Variants in FRMD4A observed in about 807,000 individuals in gnomAD.
FRMD4A encodes FERM domain containing 4A.
A neutral mutation model predicts 129.1 loss-of-function variants in FRMD4A; 29 were observed. The ratio of observed to expected loss-of-function variants is 0.22; its 90% CI spans 0.17 to 0.31. The LOEUF (loss-of-function observed/expected upper bound fraction) is 0.31. Ranked by LOEUF, FRMD4A falls within the 10% of genes least tolerant of loss-of-function variation. FRMD4A has a pLI of 1.00. For missense variants in FRMD4A, 1,272 were observed against 1,375.8 expected (o/e 0.92, Z 1.19); for synonymous variants, 634 against 571.6 (o/e 1.11, Z -1.56).
At chr10:13,838,922 C>T (rs10906509) in intron 3 of FRMD4A, among the ~76,000 whole-genome samples, 7 of 151,078 alleles carry the variant, frequency 4.6e-5, no homozygotes, top group African/African-American at 1.7e-4. Context: ...GAATAAAAAC[C>T]ATCCAATGAT....
At chr10:13,789,148 A>G (rs1191121136) in intron 5 of FRMD4A, among the ~76,000 whole-genome samples, 1 of 152,232 alleles carries the variant, frequency 6.6e-6, no homozygotes, top group Non-Finnish European at 1.5e-5. Flanking sequence ...TGATGCTTAG[A>G]ATCTCAATGC....
intron 2 of FRMD4A, among the ~76,000 whole-genome samples, chr10:14,143,787 G>A (rs960287037): frequency 6.6e-6 from 1 of 151,912 alleles, no homozygotes; most frequent in African/African-American, 2.4e-5. Context: ...GCTAACTTTT[G>A]TATGTTTGTA....
chr10:14,169,120 A>AT (rs60151648), intron 2 of FRMD4A, among the ~76,000 whole-genome samples: 1 of 11,392 alleles, frequency 8.8e-5, no homozygotes, highest in Non-Finnish European at 1.6e-4. Flanking sequence ...GGAAAAATTA[A>AT]ACATAAAAAT....
intron 2 of FRMD4A, among the ~76,000 whole-genome samples, chr10:13,967,934 T>C (rs957362978): frequency 6.6e-6 from 1 of 152,302 alleles, no homozygotes; most frequent in East Asian, 1.9e-4. Flanking sequence ...TGGTCCCAAC[T>C]ACTTGGGAGG....
chr10:13,778,701 G>A (rs988920332), intron 6 of FRMD4A, among the ~76,000 whole-genome samples: 3 of 151,908 alleles, frequency 2.0e-5, no homozygotes, highest in South Asian at 2.1e-4. Context: ...TCCAGGCAGC[G>A]GTATCTCCCT....
chr10:13,782,990 T>C lies in FRMD4A; in HGVS notation c.316A>G (p.Ile106Val), dbSNP rs2092773187. 7 of 1,426,518 alleles carry C rather than the reference T, an allele frequency of 4.9e-6. No homozygotes were observed. The highest frequency in any genetic ancestry group is 6.9e-6 in the Non-Finnish European group (7 of 1,008,428). 88.4% of individuals were successfully genotyped at this position (1,426,518 alleles called of 1,614,324 possible). A position where few individuals can be genotyped will look rare whatever the true frequency, so the allele number is the denominator to read the frequency against. ...GTAGCATTATCCTTCAGGTATGAAA[T>C]GCTTTCTATATAGAACCTGAAAGAG... Reference protein sequence around the residue: ...YFCVRFYIESISYLKDNATIE... With the variant: ...YFCVRFYIESVSYLKDNATIE... The change falls in exon 6 of 25, where the codon ATT becomes GTT. Residue 106 changes from isoleucine (I) to valine (V), a missense_variant. By Grantham distance (29) the Ile-to-Val change is conservative. Transcript: ENST00000357447.
intron 2 of FRMD4A, among the ~76,000 whole-genome samples, chr10:14,069,865 C>A (rs975660463): frequency 6.6e-6 from 1 of 152,160 alleles, no homozygotes; most frequent in Non-Finnish European, 1.5e-5. Flanking sequence ...AGAGAATTCT[C>A]CTGGCCCTTT....
intron 2 of FRMD4A, among the ~76,000 whole-genome samples, chr10:14,179,224 G>A (rs1841831031): frequency 6.6e-6 from 1 of 152,046 alleles, no homozygotes; most frequent in Non-Finnish European, 1.5e-5. Context: ...CAAACAATTA[G>A]GTTTTATTAT....
chr10:13,799,598 A>G (rs777532158), intron 4 of FRMD4A, among the ~76,000 whole-genome samples: 34 of 151,806 alleles, frequency 2.2e-4, no homozygotes, highest in Middle Eastern at 3.4e-3. Flanking sequence ...AATGCCCCCA[A>G]CTCTGTGGGT....
At chr10:14,059,742 G>A (rs138470454) in intron 2 of FRMD4A, among the ~76,000 whole-genome samples, 3 of 152,132 alleles carry the variant, frequency 2.0e-5, no homozygotes, top group East Asian at 1.9e-4. Context: ...AGCTTCTCAC[G>A]AGCATCTCAA....
intron 2 of FRMD4A, among the ~76,000 whole-genome samples, chr10:14,272,353 G>A (rs1336717941): frequency 1.3e-5 from 2 of 152,176 alleles, no homozygotes; most frequent in East Asian, 3.8e-4. Flanking sequence ...AGGAGACCAG[G>A]TAGTCCAGGG....
intron 2 of FRMD4A, among the ~76,000 whole-genome samples, chr10:13,954,210 G>A (rs748307930): frequency 3.3e-5 from 5 of 152,082 alleles, no homozygotes; most frequent in South Asian, 2.1e-4. Context: ...TATTGCACTC[G>A]GTGGCTATAT....
chr10:14,300,775 G>C (rs1308881192), intron 2 of FRMD4A, among the ~76,000 whole-genome samples: 1 of 152,202 alleles, frequency 6.6e-6, no homozygotes, highest in Non-Finnish European at 1.5e-5. Context: ...AGAAACTAAG[G>C]CCAGAATGTT....
chr10:13,957,607 G>A (rs2095417575), intron 2 of FRMD4A, among the ~76,000 whole-genome samples: 1 of 152,112 alleles, frequency 6.6e-6, no homozygotes, highest in Admixed American at 6.5e-5. Context: ...CAGAGAAAAA[G>A]GAGGAAGAGT....
chr10:14,278,410 G>C (rs149724721), intron 2 of FRMD4A, among the ~76,000 whole-genome samples: 175 of 152,286 alleles, frequency 1.1e-3, no homozygotes, highest in African/African-American at 4.0e-3. Flanking sequence ...AATGCCATCA[G>C]TGATTTATTT....
chr10:13,679,839 A>G (rs2084378214), intron 15 of FRMD4A, among the ~76,000 whole-genome samples: 1 of 152,048 alleles, frequency 6.6e-6, no homozygotes, highest in Non-Finnish European at 1.5e-5. Flanking sequence ...CGTGGCCACC[A>G]AGGCAAGAGG....
At chr10:13,963,650 A>G (rs2095462440) in intron 2 of FRMD4A, among the ~76,000 whole-genome samples, 1 of 152,254 alleles carries the variant, frequency 6.6e-6, no homozygotes, top group African/African-American at 2.4e-5. Context: ...CATTTTCAAA[A>G]TGATTATTCT....
chr10:13,742,364 G>A (rs1196424824), intron 9 of FRMD4A, among the ~76,000 whole-genome samples: 2 of 152,136 alleles, frequency 1.3e-5, no homozygotes, highest in Admixed American at 6.5e-5. Context: ...GTGTGGAGTC[G>A]ACACCTCGGT....
chr10:14,330,271 G>T, intron 1 of FRMD4A, 88 bp from the exon 2 acceptor site: 1 of 647,826 alleles, frequency 1.5e-6, no homozygotes. Flanking sequence ...TGGGGAGGAG[G>T]TCAGGGAAGA....
Sources: gnomAD v4.1 joint callset for allele counts (sites outside exome capture counted in the v4.1 genomes callset) on GRCh38, gnomAD v4.1.1 for gene constraint, MANE v1.5 for transcripts, NCBI Gene and HGNC (gene_info 2026-07-23, HGNC 2026-07-21) for gene names.